The following WDR27 variants were observed in gnomAD, a reference collection of about 807,000 sequenced individuals.
The protein encoded by WDR27 is WD repeat domain 27, also known as WD repeat-containing protein 27.
Under a neutral mutation model 114.4 loss-of-function variants are expected in WDR27, and 100 were observed. That is an observed-to-expected ratio of 0.87 (90% CI 0.74 to 1.03). The LOEUF (loss-of-function observed/expected upper bound fraction) is 1.03, where lower values mean the gene tolerates loss of function less well. Ranked by LOEUF, WDR27 falls within the 50% of genes least tolerant of loss-of-function variation. WDR27 has a pLI of 0.00. For synonymous variants in WDR27, 449 were observed against 423.1 expected (o/e 1.06, Z -0.75); for missense variants, 1,129 against 1,092.9 (o/e 1.03, Z -0.47).
intron 25 of WDR27, among the ~76,000 whole-genome samples, chr6:169,547,178 A>G (rs1797558531): frequency 6.6e-6 from 1 of 152,224 alleles, no homozygotes; most frequent in Admixed American, 6.5e-5. Context: ...TCAATAATTA[A>G]TAACTTCTCA....
chr6:169,628,618 GATGC>G (rs1815480701), intron 21 of WDR27, among the ~76,000 whole-genome samples: 1 of 152,192 alleles, frequency 6.6e-6, no homozygotes, highest in African/African-American at 2.4e-5. Context: ...TGCCAGTTCA[GATGC>G]AGCCTTCTCT....
At chr6:169,647,593 A>G (rs1821118584) in intron 16 of WDR27, 180 bp downstream of exon 16, 3 of 688,008 alleles carry the variant, frequency 4.4e-6, no homozygotes, top group East Asian at 2.7e-5. Flanking sequence ...CCCTCACTAC[A>G]GTCGAGTGAA....
intron 25 of WDR27, among the ~76,000 whole-genome samples, chr6:169,561,255 T>A (rs1799635935): frequency 6.6e-6 from 1 of 152,084 alleles, no homozygotes; most frequent in Non-Finnish European, 1.5e-5. Context: ...AAGCCTCTTT[T>A]ATGGGGGCAT....
chr6:169,465,818 A>T (rs563253422), intron 25 of WDR27, among the ~76,000 whole-genome samples: 1 of 152,344 alleles, frequency 6.6e-6, no homozygotes, highest in African/African-American at 2.4e-5. Context: ...GTACCTAAAT[A>T]GTCAAAATCA....
At chr6:169,660,287 G>A (rs1490032712) in intron 10 of WDR27, among the ~76,000 whole-genome samples, 2 of 152,136 alleles carry the variant, frequency 1.3e-5, no homozygotes, top group African/African-American at 2.4e-5. Context: ...AGTGCGCCTC[G>A]GCCGGGTTTA....
intron 25 of WDR27, among the ~76,000 whole-genome samples, chr6:169,553,252 C>G (rs1481922652): frequency 6.6e-6 from 1 of 152,138 alleles, no homozygotes; most frequent in East Asian, 1.9e-4. Flanking sequence ...TCTAGGGAGC[C>G]GCCGACCTCT....
intron 2 of WDR27, among the ~76,000 whole-genome samples, chr6:169,685,301 A>C (rs536517294): frequency 2.0e-5 from 3 of 152,260 alleles, no homozygotes; most frequent in Non-Finnish European, 2.9e-5. Context: ...CAACAACAAC[A>C]AAAAGTCACC....
At chr6:169,541,943 G>A (rs1796897510) in intron 25 of WDR27, among the ~76,000 whole-genome samples, 1 of 152,034 alleles carries the variant, frequency 6.6e-6, no homozygotes, top group South Asian at 2.1e-4. Flanking sequence ...TTATATTAAG[G>A]GAACAATTTC....
intron 25 of WDR27, among the ~76,000 whole-genome samples, chr6:169,501,815 G>A (rs1434599029): frequency 6.6e-6 from 1 of 152,180 alleles, no homozygotes; most frequent in African/African-American, 2.4e-5. Context: ...TGGTGGAGAC[G>A]GGCGCGCCCC....
At chr6:169,626,643 G>A (rs1162606989) in intron 21 of WDR27, among the ~76,000 whole-genome samples, 4 of 152,198 alleles carry the variant, frequency 2.6e-5, no homozygotes, top group East Asian at 1.9e-4. Flanking sequence ...ACATCACGCC[G>A]CTTTCCACAT....
At chr6:169,450,441 G>A in the WDR27 span, among the ~76,000 whole-genome samples, 1 of 152,210 alleles carries the variant, frequency 6.6e-6, no homozygotes. Context: ...ACAGGAGCGA[G>A]GCCACAGTTC....
At chr6:169,483,056 G>T (rs1482067864) in intron 25 of WDR27, among the ~76,000 whole-genome samples, 2 of 152,120 alleles carry the variant, frequency 1.3e-5, no homozygotes, top group African/African-American at 4.8e-5. Flanking sequence ...GAAATTTATA[G>T]CACTAAACAC....
In WDR27 at chr6:169,636,428, C is replaced by A. The variant is rs763944673; in HGVS notation, c.1946G>T (p.Gly649Val). Residue 649 changes from glycine (G) to valine (V), a missense_variant, in exon 19 of 26, where the codon GGC becomes GTC. Gly to Val is a moderately radical substitution (Grantham distance 109). Transcript: ENST00000448612. ...YIDAFILLSS[G>V]PEFQLLRYHI... ...ATACCTCAGTAGCTGAAATTCAGGG[C>A]CAGAAGATAACAATATAAAGGCATC... The A allele has an allele frequency of 6.1e-5, 99 of 1,613,632 alleles. No homozygotes were observed. Among genetic ancestry groups the A allele is most frequent in the Non-Finnish European group, 7.9e-5 (93 of 1,179,836 alleles).
At chr6:169,477,006 T>A (rs1787270017) in intron 25 of WDR27, among the ~76,000 whole-genome samples, 1 of 152,226 alleles carries the variant, frequency 6.6e-6, no homozygotes, top group Non-Finnish European at 1.5e-5. Flanking sequence ...CAGATTCAGA[T>A]CAAGAATCTC....
At chr6:169,625,180 A>T (rs1050125936) in intron 21 of WDR27, among the ~76,000 whole-genome samples, 12 of 152,238 alleles carry the variant, frequency 7.9e-5, no homozygotes, top group Non-Finnish European at 1.8e-4. Flanking sequence ...AGGAAGGCAG[A>T]TCCAACGGTT....
chr6:169,627,071 C>T (rs569742794), intron 21 of WDR27, among the ~76,000 whole-genome samples: 20 of 152,320 alleles, frequency 1.3e-4, no homozygotes, highest in Non-Finnish European at 2.5e-4. Context: ...GGTCCTCCAG[C>T]GCCGCTGTAA....
At chr6:169,572,142 A>G (rs1469037425) in intron 25 of WDR27, among the ~76,000 whole-genome samples, 1 of 152,246 alleles carries the variant, frequency 6.6e-6, no homozygotes, top group African/African-American at 2.4e-5. Context: ...GTAAATACAA[A>G]GATGAAAATT....
chr6:169,583,331 G>A (rs1366355665), intron 23 of WDR27, among the ~76,000 whole-genome samples: 1 of 144,514 alleles, frequency 6.9e-6, no homozygotes, highest in Non-Finnish European at 1.5e-5. Context: ...ATGCTCTATT[G>A]TCCTCCCCCA....
At chr6:169,622,759 AAACAGCCATTGC>A (rs1487086044) in intron 21 of WDR27, among the ~76,000 whole-genome samples, 1 of 152,206 alleles carries the variant, frequency 6.6e-6, no homozygotes, top group East Asian at 1.9e-4. Context: ...CGTCCCGGTG[AAACAGCCATTGC>A]AAAATTACAA....
Sources: allele counts gnomAD v4.1 joint callset (sites outside exome capture counted in the v4.1 genomes callset), GRCh38; gene constraint gnomAD v4.1.1; transcripts MANE v1.5; gene names NCBI Gene and HGNC (gene_info 2026-07-23, HGNC 2026-07-21).